The following GPC5 variants were observed in gnomAD, a reference collection of about 807,000 sequenced individuals.
The protein encoded by GPC5 is glypican-5.
Under a neutral mutation model 53.9 loss-of-function variants are expected in GPC5, and 47 were observed. That is an observed-to-expected ratio of 0.87 (90% confidence interval 0.69 to 1.11). The LOEUF (loss-of-function observed/expected upper bound fraction) is 1.11. Ranked by LOEUF, GPC5 falls within the 50% of genes most tolerant of loss-of-function variation. The pLI is 0.00. For synonymous variants in GPC5, 286 were observed against 263.3 expected, an observed-to-expected ratio of 1.09 and a Z score of -0.84; for missense variants, 748 against 713.1, an observed-to-expected ratio of 1.05 and a Z score of -0.56.
chr13:92,400,072 C>T (rs540872239), intron 7 of GPC5, among the ~76,000 whole-genome samples: 10 of 152,248 alleles, frequency 6.6e-5, no homozygotes, highest in African/African-American at 4.8e-5. Flanking sequence ...TATTTTTCTT[C>T]GTGAATTGCC....
intron 7 of GPC5, among the ~76,000 whole-genome samples, chr13:92,359,788 G>A (rs991184438): frequency 2.0e-5 from 3 of 151,566 alleles, no homozygotes; most frequent in Non-Finnish European, 1.5e-5. Context: ...TCACTATCAC[G>A]AGAACAGCAA....
chr13:91,884,089 G>A (rs1015552020), intron 5 of GPC5, among the ~76,000 whole-genome samples: 2 of 152,102 alleles, frequency 1.3e-5, no homozygotes, highest in African/African-American at 4.8e-5. Context: ...TTACTAAAAA[G>A]TCAAAAAATA....
chr13:92,244,719 C>A (rs7322741), intron 7 of GPC5, among the ~76,000 whole-genome samples: 85,678 of 151,908 alleles, frequency 0.56, 24,413 homozygotes, highest in South Asian at 0.65. Context: ...TCATTGTATA[C>A]CATTGTAAAA....
Position 91,839,215 on chromosome 13 carries a change from G to A in GPC5, c.1281-68722G>A, listed in dbSNP as rs566149604. ...ATTTAGTCCCACATTACAATGCATA[G>A]TAAATAACAGCATCTATCTTTATAA... On this transcript the variant is annotated intron_variant, in intron 5 of 7. Coordinates refer to ENST00000377067, the MANE Select transcript of GPC5 (RefSeq NM_004466.6). 3.0e-4 allele frequency among the ~76,000 whole-genome samples: 46 copies of A among 152,218 alleles called. 1 individual carries two copies. The South Asian group carries it at 9.5e-3, about 32-fold the overall frequency.
At chr13:92,054,149 GGTGTGTGTGTGTGT>G (rs141324926) in intron 6 of GPC5, among the ~76,000 whole-genome samples, 15 of 145,958 alleles carry the variant, frequency 1.0e-4, no homozygotes, top group African/African-American at 1.3e-4. Context: ...ACTTTGGAGG[GGTGTGTGTGTGTGT>G]GTGTGTGTGT....
intron 2 of GPC5, among the ~76,000 whole-genome samples, chr13:91,630,249 T>A (rs1422042490): frequency 6.6e-6 from 1 of 152,180 alleles, no homozygotes; most frequent in Non-Finnish European, 1.5e-5. Flanking sequence ...GATTTTAAGA[T>A]AACAGTAAAG....
intron 2 of GPC5, among the ~76,000 whole-genome samples, chr13:91,563,401 G>C (rs1254648119): frequency 6.6e-6 from 1 of 152,082 alleles, no homozygotes; most frequent in Non-Finnish European, 1.5e-5. Context: ...TCAGACACTT[G>C]CACAAGCCAG....
chr13:92,812,139 A>G (rs1357700007), intron 7 of GPC5, among the ~76,000 whole-genome samples: 20 of 151,914 alleles, frequency 1.3e-4, no homozygotes, highest in Non-Finnish European at 4.4e-5. Context: ...AGGTTTTTTG[A>G]TAAGAAGTGC....
chr13:92,033,063 G>C (rs2040866125), intron 6 of GPC5, among the ~76,000 whole-genome samples: 1 of 151,794 alleles, frequency 6.6e-6, no homozygotes, highest in Non-Finnish European at 1.5e-5. Flanking sequence ...GTGTGTGTGT[G>C]TGTGTGTGTG....
At chr13:91,767,575 C>G (rs1282670956) in intron 5 of GPC5, among the ~76,000 whole-genome samples, 1 of 152,148 alleles carries the variant, frequency 6.6e-6, no homozygotes, top group African/African-American at 2.4e-5. Context: ...CAATTCTAGT[C>G]ATCTCCCTTT....
intron 2 of GPC5, among the ~76,000 whole-genome samples, chr13:91,613,320 G>T (rs887725992): frequency 6.6e-6 from 1 of 152,154 alleles, no homozygotes; most frequent in Non-Finnish European, 1.5e-5. Context: ...CAAGAGAAGA[G>T]AATTTGTGCA....
chr13:92,305,497 T>C (rs1404456874), intron 7 of GPC5, among the ~76,000 whole-genome samples: 1 of 152,116 alleles, frequency 6.6e-6, no homozygotes. Context: ...AAAAAATCTT[T>C]CCTTCACACA....
At chr13:91,525,740 A>C (rs921035462) in intron 2 of GPC5, among the ~76,000 whole-genome samples, 1 of 152,094 alleles carries the variant, frequency 6.6e-6, no homozygotes, top group African/African-American at 2.4e-5. Flanking sequence ...CTCTGGATTC[A>C]TTTTTCACTT....
chr13:91,589,473 C>T (rs1347709700), intron 2 of GPC5, among the ~76,000 whole-genome samples: 1 of 152,132 alleles, frequency 6.6e-6, no homozygotes, highest in African/African-American at 2.4e-5. Context: ...TCTGTTTCCT[C>T]TCTAGACCTG....
intron 7 of GPC5, among the ~76,000 whole-genome samples, chr13:92,610,899 T>C (rs1162549346): frequency 1.3e-5 from 2 of 151,564 alleles, no homozygotes; most frequent in African/African-American, 2.4e-5. Context: ...GGGGAAAATA[T>C]GGGGATTTAC....
At chr13:91,911,828 A>G (rs2039613254) in intron 6 of GPC5, among the ~76,000 whole-genome samples, 1 of 152,186 alleles carries the variant, frequency 6.6e-6, no homozygotes, top group Non-Finnish European at 1.5e-5. Flanking sequence ...GATGATAGCA[A>G]GGTTTGGTGG....
rs527317146 is a variant in GPC5, at chr13:92,071,676, TTGAG to T, written c.1402-73152_1402-73149del. ...ATGCTTATCCTTCTGCTAAATTTCT[TTGAG>T]TATTTCTAATATTTATCCTTCCAGA... On this transcript the variant is annotated intron_variant, in intron 6 of 7. Coordinates refer to ENST00000377067, the MANE Select transcript of GPC5 (RefSeq NM_004466.6). Among the ~76,000 whole-genome samples the T allele has an allele frequency of 7.8e-4, 119 of 152,066 alleles. 1 individual carries two copies. Among genetic ancestry groups the T allele is most frequent in the African/African-American group, 1.4e-3 (57 of 41,520 alleles).
chr13:92,572,595 G>T (rs1343307936), intron 7 of GPC5, among the ~76,000 whole-genome samples: 2 of 152,066 alleles, frequency 1.3e-5, no homozygotes, highest in African/African-American at 4.8e-5. Flanking sequence ...TGACATTAGG[G>T]TTTCTTTATA....
At chr13:92,641,445 G>A (rs1177425223) in intron 7 of GPC5, among the ~76,000 whole-genome samples, 2 of 152,096 alleles carry the variant, frequency 1.3e-5, no homozygotes, top group East Asian at 3.9e-4. Context: ...AATAAAGAAG[G>A]TGAAAGAGAT....
Sources: allele counts gnomAD v4.1 joint callset (sites outside exome capture counted in the v4.1 genomes callset), GRCh38; gene constraint gnomAD v4.1.1; transcripts MANE v1.5; gene names NCBI Gene and HGNC (gene_info 2026-07-23, HGNC 2026-07-21).